DNAJB4: variants seen among roughly 807,000 people sequenced by gnomAD.
DNAJB4 encodes the protein DnaJ heat shock protein family (Hsp40) member B4, also known as dnaJ homolog subfamily B member 4.
In DNAJB4, 10 loss-of-function variants were observed where a neutral mutation model predicts 26.6. The observed-to-expected ratio is 0.38, with a 90% CI of 0.23 to 0.64. DNAJB4 has a LOEUF of 0.64. Ranked by LOEUF, DNAJB4 falls within the 30% of genes least tolerant of loss-of-function variation. DNAJB4 has a pLI of 0.58. For missense variants in DNAJB4, 328 were observed against 408.2 expected (o/e 0.80, Z 1.69); for synonymous variants, 136 against 134.8 (o/e 1.01, Z -0.06).
At chr1:77,991,660 T>C (rs1659933704) in intron 1 of DNAJB4, among the ~76,000 whole-genome samples, 1 of 152,224 alleles carries the variant, frequency 6.6e-6, no homozygotes, top group South Asian at 2.1e-4. Context: ...GCTCTCATAC[T>C]TTTAAACAAG....
Position 78,013,631 on chromosome 1 carries a change from GGACCTAAAATCCTAA to G in DNAJB4, c.780+17_780+31del. Reference sequence around the variant, plus strand: ...TTAGTTTACGAGAGGTAAGTTGGTAGGACCTAAAATCCTAAGACCAAATAATTATGTAGTTGATCA... The same window carrying G: ...TTAGTTTACGAGAGGTAAGTTGGTAGGACCAAATAATTATGTAGTTGATCA... On this transcript the variant is annotated intron_variant, in intron 2 of 2. Transcript: ENST00000370763. 1 of 1,551,038 alleles carries G rather than the reference GGACCTAAAATCCTAA, an allele frequency of 6.4e-7. No individual in the cohort carries two copies. The highest frequency in any genetic ancestry group is 2.2e-5 in the East Asian group (1 of 44,602).
intron 1 of DNAJB4, among the ~76,000 whole-genome samples, chr1:77,991,682 T>G (rs150774487): frequency 4.9e-4 from 74 of 152,374 alleles, no homozygotes; most frequent in Middle Eastern, 3.4e-3. Flanking sequence ...CTCCTTTTCA[T>G]GGTCCATTTA....
At chr1:78,003,471 G>A (rs1030109368), upstream of DNAJB4, among the ~76,000 whole-genome samples, 1 of 152,146 alleles carries the variant, frequency 6.6e-6, no homozygotes, top group African/African-American at 2.4e-5. Flanking sequence ...CATTCAGAAA[G>A]AATTGCTGAA....
At chr1:77,983,137 G>T (rs1001495049) in intron 1 of DNAJB4, among the ~76,000 whole-genome samples, 3 of 152,160 alleles carry the variant, frequency 2.0e-5, no homozygotes, top group Admixed American at 6.5e-5. Flanking sequence ...CGTGAACAAA[G>T]GTCTTTGCAT....
In DNAJB4 at chr1:77,995,330, G is replaced by A. The variant is rs531920428; in HGVS notation, c.-31-9750G>A. Among the ~76,000 whole-genome samples the A allele has an allele frequency of 9.4e-4, 143 of 152,322 alleles. 1 individual carries two copies. The highest frequency in any genetic ancestry group is 1.6e-3 in the Non-Finnish European group (106 of 68,034). ...GCTTGCTTTATATTTCTGTTGGACA[G>A]CACTGGTCTAAATAGTGTGATCTTT... On this transcript the variant is annotated intron_variant, in intron 1 of 2. Transcript: ENST00000426517.
chr1:78,002,911 A>G (rs1034104527), upstream of DNAJB4, among the ~76,000 whole-genome samples: 17 of 152,134 alleles, frequency 1.1e-4, no homozygotes, highest in Admixed American at 3.3e-4. Context: ...GTTAATATAT[A>G]ATACAATTTC....
At chr1:77,979,670 T>G (rs1455932394), upstream of DNAJB4, 5 of 152,264 alleles carry the variant, frequency 3.3e-5, no homozygotes, top group Non-Finnish European at 7.3e-5. Context: ...TTTTTTAGTT[T>G]TATCACGAGG....
intron 1 of DNAJB4, among the ~76,000 whole-genome samples, chr1:77,983,597 G>A (rs996259953): frequency 1.3e-5 from 2 of 152,200 alleles, no homozygotes; most frequent in Non-Finnish European, 2.9e-5. Flanking sequence ...TGACTCTTAA[G>A]GAGAGTGCTG....
intron 1 of DNAJB4, among the ~76,000 whole-genome samples, chr1:78,011,730 C>G (rs1357872282): frequency 6.6e-6 from 1 of 151,832 alleles, no homozygotes; most frequent in African/African-American, 2.4e-5. Flanking sequence ...GTGATCCACC[C>G]GACTCGGCCT....
chr1:77,989,607 G>A (rs766875267), intron 1 of DNAJB4, among the ~76,000 whole-genome samples: 6 of 152,108 alleles, frequency 3.9e-5, no homozygotes, highest in Non-Finnish European at 5.9e-5. Context: ...TACTACTGAA[G>A]CCAAAATCAT....
At position 78,017,770 on chromosome 1, in the gene DNAJB4, T is replaced by TTC. The variant is rs997648103; in HGVS notation, c.*1524_*1525insCT. 3.3e-5 allele frequency: 5 copies of TTC among 150,066 alleles called. No homozygotes were observed. Among genetic ancestry groups the TTC allele is most frequent in the African/African-American group, 1.2e-4 (5 of 41,050 alleles). 9.3% of individuals were successfully genotyped at this position (150,066 alleles called of 1,614,324 possible). A position where few individuals can be genotyped will look rare whatever the true frequency, so the allele number is the denominator to read the frequency against. Reference sequence around the variant, plus strand: ...AAATAGACTCAAACAATATATGGCTTTTTTTTTTTTTGGTCTGGCCTCTTT... The same window carrying TTC: ...AAATAGACTCAAACAATATATGGCTTTCTTTTTTTTTTTGGTCTGGCCTCTTT... On this transcript the variant is annotated 3_prime_UTR_variant, in exon 3 of 3. Coordinates refer to ENST00000370763, the MANE Select transcript of DNAJB4 (RefSeq NM_007034.5).
At chr1:78,008,584 T>G (rs1158702866) in intron 1 of DNAJB4, among the ~76,000 whole-genome samples, 1 of 152,140 alleles carries the variant, frequency 6.6e-6, no homozygotes, top group African/African-American at 2.4e-5. Flanking sequence ...GGACTTGAGG[T>G]GGGAGCGGGG....
chr1:78,010,747 G>A (rs1300607785), intron 1 of DNAJB4, among the ~76,000 whole-genome samples: 1 of 152,188 alleles, frequency 6.6e-6, no homozygotes, highest in Non-Finnish European at 1.5e-5. Flanking sequence ...TATGCTGTGT[G>A]TTAGTGGCAT....
chr1:77,980,836 A>G (rs1659596891), intron 1 of DNAJB4, among the ~76,000 whole-genome samples: 1 of 152,140 alleles, frequency 6.6e-6, no homozygotes, highest in African/African-American at 2.4e-5. Flanking sequence ...TATAGCTCTG[A>G]TGATCTTTTT....
chr1:77,999,641 T>C (rs1236544463), intron 1 of DNAJB4, among the ~76,000 whole-genome samples: 1 of 152,180 alleles, frequency 6.6e-6, no homozygotes, highest in Non-Finnish European at 1.5e-5. Flanking sequence ...ATAGTTTATA[T>C]AGCTTAAAAT....
At chr1:78,004,101 T>G (rs1252338436), upstream of DNAJB4, among the ~76,000 whole-genome samples, 2 of 152,322 alleles carry the variant, frequency 1.3e-5, no homozygotes, top group East Asian at 3.9e-4. Context: ...AACATGAGTA[T>G]GTACTGTCTG....
chr1:78,011,400 C>T (rs900707333), intron 1 of DNAJB4, among the ~76,000 whole-genome samples: 1 of 151,758 alleles, frequency 6.6e-6, no homozygotes, highest in Non-Finnish European at 1.5e-5. Context: ...GAATGACAAT[C>T]GTAGTGTCTA....
chr1:78,006,013 A>T (rs1015274171), intron 1 of DNAJB4, among the ~76,000 whole-genome samples: 20 of 152,228 alleles, frequency 1.3e-4, no homozygotes, highest in Middle Eastern at 3.2e-3. Context: ...CAGAAATACA[A>T]TTTTTGACCT....
At chr1:78,010,054 A>G (rs1040139244) in intron 1 of DNAJB4, among the ~76,000 whole-genome samples, 1 of 152,174 alleles carries the variant, frequency 6.6e-6, no homozygotes, top group African/African-American at 2.4e-5. Context: ...GTTACTTCAG[A>G]CTTTGTATGA....
Sources: allele counts gnomAD v4.1 joint callset (sites outside exome capture counted in the v4.1 genomes callset), GRCh38; gene constraint gnomAD v4.1.1; transcripts MANE v1.5; gene names NCBI Gene and HGNC (gene_info 2026-07-23, HGNC 2026-07-21).